REEP1: variants seen among roughly 807,000 people sequenced by gnomAD.
REEP1 encodes receptor expression-enhancing protein 1.
Under a neutral mutation model 40.3 loss-of-function variants are expected in REEP1, and 22 were observed. The ratio of observed to expected loss-of-function variants is 0.55; its 90% CI spans 0.39 to 0.78. The LOEUF (loss-of-function observed/expected upper bound fraction) is 0.78. Ranked by LOEUF, REEP1 falls within the 30% of genes least tolerant of loss-of-function variation. REEP1 has a pLI of 0.00. For synonymous variants in REEP1, 116 were observed against 139.2 expected (o/e 0.83, Z 1.17); for missense variants, 280 against 361.1 (o/e 0.78, Z 1.82).
intron 1 of REEP1, among the ~76,000 whole-genome samples, chr2:86,290,622 C>T (rs1351287941): frequency 6.6e-6 from 1 of 152,200 alleles, no homozygotes; most frequent in Non-Finnish European, 1.5e-5. Context: ...CTTCCCAAAA[C>T]CATAATCCAT....
At chr2:86,240,379 G>A (rs1416359325) in intron 5 of REEP1, among the ~76,000 whole-genome samples, 1 of 152,250 alleles carries the variant, frequency 6.6e-6, no homozygotes, top group Admixed American at 6.5e-5. Context: ...AGAGTACAGG[G>A]CAGGGGATGG....
chr2:86,274,149 G>A (rs1051826386), intron 2 of REEP1, among the ~76,000 whole-genome samples: 1 of 152,244 alleles, frequency 6.6e-6, no homozygotes, highest in Non-Finnish European at 1.5e-5. Context: ...CTGAGTTGAT[G>A]ACTGCATAAA....
intron 3 of REEP1, among the ~76,000 whole-genome samples, chr2:86,262,009 C>T (rs1012265571): frequency 2.0e-5 from 3 of 152,312 alleles, no homozygotes; most frequent in South Asian, 2.1e-4. Flanking sequence ...CCTTTGTTCA[C>T]GTGTTTGTCT....
chr2:86,216,873 GA>G lies in REEP1; in HGVS notation c.*165del, dbSNP rs59345004. 974 of 624,518 alleles carry G rather than the reference GA, an allele frequency of 1.6e-3. 9 individuals are homozygous for G. The highest frequency in any genetic ancestry group is 0.013 in the African/African-American group (725 of 54,188). The allele number at this position is 624,518 out of a possible 1,614,324, so 38.7% of individuals were successfully genotyped here. A position where few individuals can be genotyped will look rare whatever the true frequency, so the allele number is the denominator to read the frequency against. ...TCCCCAGCAAAATAAAGAAAAGGGG[GA>G]AAAAAATAAATCCTTAAAAGTGGAA... On this transcript the variant is annotated 3_prime_UTR_variant, in exon 9 of 9. Transcript: ENST00000538924.
At chr2:86,310,107 AAACT>A (rs2104481830) in intron 1 of REEP1, among the ~76,000 whole-genome samples, 1 of 152,232 alleles carries the variant, frequency 6.6e-6, no homozygotes, top group Admixed American at 6.5e-5. Flanking sequence ...TTTCCCCACA[AAACT>A]AAGCACTGGA....
intron 1 of REEP1, among the ~76,000 whole-genome samples, chr2:86,295,781 C>T (rs1190374932): frequency 1.3e-5 from 2 of 152,168 alleles, no homozygotes; most frequent in East Asian, 1.9e-4. Flanking sequence ...CCTCGTGATC[C>T]GCCCGCCTTG....
intron 2 of REEP1, 88 bp from the exon 3 acceptor site, chr2:86,264,129 T>A: frequency 1.1e-6 from 1 of 944,772 alleles, no homozygotes; most frequent in Non-Finnish European, 1.7e-6. Flanking sequence ...CGGCGGCAGA[T>A]ACGGAGGCAC....
At chr2:86,271,739 C>T (rs1437079652) in intron 2 of REEP1, among the ~76,000 whole-genome samples, 2 of 152,154 alleles carry the variant, frequency 1.3e-5, no homozygotes, top group African/African-American at 4.8e-5. Flanking sequence ...TAGCAGGGGG[C>T]AAATGAGGTT....
At chr2:86,270,170 CTTTTGTTTGTTTGTTTGTTTGTTT>C (rs1457216541) in intron 2 of REEP1, among the ~76,000 whole-genome samples, 3 of 139,008 alleles carry the variant, frequency 2.2e-5, no homozygotes, top group Non-Finnish European at 4.7e-5. Context: ...TATCATTTTT[CTTTTGTTTGTTTGTTTGTTTGTTT>C]GTTTGTTTGT....
At chr2:86,234,556 G>A (rs1343088026) in intron 5 of REEP1, among the ~76,000 whole-genome samples, 2 of 152,070 alleles carry the variant, frequency 1.3e-5, no homozygotes, top group African/African-American at 2.4e-5. Context: ...CAGACTAAAA[G>A]CAAGATGCAC....
At chr2:86,248,448 C>T (rs954218367) in intron 5 of REEP1, among the ~76,000 whole-genome samples, 4 of 151,652 alleles carry the variant, frequency 2.6e-5, no homozygotes, top group Non-Finnish European at 2.9e-5. Flanking sequence ...TTTTATTTTA[C>T]TTATTTATTT....
intron 2 of REEP1, among the ~76,000 whole-genome samples, chr2:86,276,411 G>A (rs1677758929): frequency 6.6e-6 from 1 of 152,198 alleles, no homozygotes; most frequent in African/African-American, 2.4e-5. Flanking sequence ...TGGACTCAGG[G>A]ATTACCCTTT....
At chr2:86,264,063 C>G in intron 2 of REEP1, 22 bp from the exon 3 acceptor site, 1 of 1,593,274 alleles carries the variant, frequency 6.3e-7, no homozygotes, top group Non-Finnish European at 8.6e-7. Context: ...GAAAGCAACA[C>G]AGCTGGTAGA....
At chr2:86,248,621 T>G (rs1011748813) in intron 5 of REEP1, among the ~76,000 whole-genome samples, 1 of 151,978 alleles carries the variant, frequency 6.6e-6, no homozygotes, top group Non-Finnish European at 1.5e-5. Flanking sequence ...TGGCTAATTT[T>G]TAATTTTTTG....
chr2:86,221,400 T>C (rs951479107), intron 7 of REEP1, among the ~76,000 whole-genome samples: 1 of 152,236 alleles, frequency 6.6e-6, no homozygotes, highest in Non-Finnish European at 1.5e-5. Flanking sequence ...ATTACTATTA[T>C]TATTTTATTT....
At chr2:86,297,965 C>T (rs1024587110) in intron 1 of REEP1, among the ~76,000 whole-genome samples, 6 of 152,194 alleles carry the variant, frequency 3.9e-5, no homozygotes, top group Non-Finnish European at 8.8e-5. Context: ...TATAGGGTCG[C>T]ATGCCCCACT....
At chr2:86,271,306 G>C (rs1405363119) in intron 2 of REEP1, among the ~76,000 whole-genome samples, 3 of 146,622 alleles carry the variant, frequency 2.0e-5, no homozygotes, top group African/African-American at 7.6e-5. Context: ...GCAAGTCATA[G>C]TAAAACTGCT....
chr2:86,307,653 C>A (rs558163320), intron 1 of REEP1, among the ~76,000 whole-genome samples: 6 of 151,806 alleles, frequency 4.0e-5, no homozygotes, highest in African/African-American at 1.4e-4. Context: ...CCCAGCTTTG[C>A]AGGAGGTTGA....
At chr2:86,335,252 T>C (rs1680956555) in intron 1 of REEP1, among the ~76,000 whole-genome samples, 1 of 152,232 alleles carries the variant, frequency 6.6e-6, no homozygotes, top group Non-Finnish European at 1.5e-5. Flanking sequence ...AATATTGTCT[T>C]CATGAAACAG....
Sources: allele counts gnomAD v4.1 joint callset (sites outside exome capture counted in the v4.1 genomes callset), GRCh38; gene constraint gnomAD v4.1.1; transcripts MANE v1.5; gene names NCBI Gene and HGNC (gene_info 2026-07-23, HGNC 2026-07-21).